Variants in PHACTR1 observed in about 807,000 individuals in gnomAD.
PHACTR1 encodes phosphatase and actin regulator 1.
PHACTR1 carries 16 observed loss-of-function variants against 69.2 expected under a neutral mutation model. The ratio of observed to expected loss-of-function variants is 0.23; its 90% CI spans 0.16 to 0.35. The LOEUF (loss-of-function observed/expected upper bound fraction) is 0.35. Among genes scored for constraint, PHACTR1 ranks in the 10% least tolerant of loss-of-function variants. PHACTR1 has a pLI of 1.00. For missense variants in PHACTR1, 510 were observed against 734.7 expected (o/e 0.69, Z 3.54); for synonymous variants, 312 against 284.5 (o/e 1.10, Z -0.97).
chr6:12,820,384 GT>G (rs1330086353), intron 4 of PHACTR1, among the ~76,000 whole-genome samples: 3 of 152,126 alleles, frequency 2.0e-5, no homozygotes, highest in Non-Finnish European at 4.4e-5. Context: ...GTTTCACCAT[GT>G]TAACCAGGAT....
rs142108999 is a variant in PHACTR1, at chr6:13,079,242, G to A, written c.415+25713G>A. On this transcript the variant is annotated intron_variant, in intron 5 of 14. Transcript: ENST00000332995. ...GCCTTACTGCTTACATGCGATGGCT[G>A]GAGGTTTGGGCATCGCAGAGATGGA... 4.0e-3 allele frequency among the ~76,000 whole-genome samples: 613 copies of A among 152,268 alleles called. 4 individuals carry two copies. The highest frequency in any genetic ancestry group is 0.014 in the African/African-American group (586 of 41,560).
Position 13,179,701 on chromosome 6 carries a change from G to GAGATAGAT in PHACTR1, c.497-2778_497-2771dup, listed in dbSNP as rs4053020. On this transcript the variant is annotated intron_variant, in intron 6 of 14. Transcript: ENST00000332995. The surrounding 1 kb of genome is among the most constrained non-coding windows in gnomAD (Gnocchi z 4.2). ...AGGTAGGTAGATAGATAAGTAGATAGAGATAGATAGATAGATAGATAGATA... is the reference window on the plus strand; with the variant it reads ...AGGTAGGTAGATAGATAAGTAGATAGAGATAGATAGATAGATAGATAGATAGATAGATA... Among the ~76,000 whole-genome samples the GAGATAGAT allele has an allele frequency of 3.2e-4, 47 of 148,422 alleles. No homozygotes were observed. The highest frequency in any genetic ancestry group is 1.1e-3 in the African/African-American group (42 of 39,746).
intron 7 of PHACTR1, chr6:13,184,823 G>T: frequency 7.3e-7 from 1 of 1,366,596 alleles, no homozygotes; most frequent in South Asian, 1.1e-5. Context: ...CCCTCTGCCA[G>T]TGAGTCTGGA....
chr6:12,972,121 T>C (rs1256544925), intron 4 of PHACTR1, among the ~76,000 whole-genome samples: 1 of 152,242 alleles, frequency 6.6e-6, no homozygotes, highest in Non-Finnish European at 1.5e-5. Flanking sequence ...TTTGTGATTC[T>C]ATTGGATGTG....
intron 4 of PHACTR1, among the ~76,000 whole-genome samples, chr6:12,898,986 G>T (rs565428704): frequency 1.3e-5 from 2 of 152,248 alleles, no homozygotes; most frequent in African/African-American, 4.8e-5. Context: ...CACCAGCAAA[G>T]CTACCCCACT....
At chr6:13,263,859 G>A (rs918678947) in intron 10 of PHACTR1, among the ~76,000 whole-genome samples, 3 of 152,128 alleles carry the variant, frequency 2.0e-5, no homozygotes, top group African/African-American at 7.2e-5. Flanking sequence ...CCACGTCGTC[G>A]TGCTCTGCTG....
chr6:13,049,275 A>G (rs1303318446), intron 4 of PHACTR1, among the ~76,000 whole-genome samples: 5 of 152,308 alleles, frequency 3.3e-5, no homozygotes, highest in African/African-American at 1.2e-4. Context: ...AAGTAACGAT[A>G]CATATTTTCA....
At chr6:12,974,367 C>T (rs1794612958) in intron 4 of PHACTR1, among the ~76,000 whole-genome samples, 1 of 152,198 alleles carries the variant, frequency 6.6e-6, no homozygotes, top group Admixed American at 6.5e-5. Flanking sequence ...TCTTCTTACA[C>T]TCAGCATATC....
intron 7 of PHACTR1, among the ~76,000 whole-genome samples, chr6:13,183,900 A>G (rs1762503964): frequency 6.6e-6 from 1 of 152,232 alleles, no homozygotes; most frequent in Non-Finnish European, 1.5e-5. Flanking sequence ...GGTGTGTGCC[A>G]CCACCCAATG....
chr6:12,997,873 A>T (rs1797616344), intron 4 of PHACTR1, among the ~76,000 whole-genome samples: 1 of 152,148 alleles, frequency 6.6e-6, no homozygotes, highest in Non-Finnish European at 1.5e-5. Context: ...GAATGGTGTG[A>T]ACCCGGGAGG....
intron 4 of PHACTR1, chr6:12,957,667 G>T: frequency 1.0e-6 from 1 of 985,618 alleles, no homozygotes; most frequent in East Asian, 1.1e-4. Context: ...GAGTGAGGCT[G>T]GAGAGACCAT....
At chr6:13,141,714 TTTC>T (rs1822478704) in intron 5 of PHACTR1, among the ~76,000 whole-genome samples, 1 of 132,564 alleles carries the variant, frequency 7.5e-6, no homozygotes, top group African/African-American at 2.7e-5. Context: ...CATGTTTAGA[TTTC>T]TTCTTTCTTT....
chr6:13,174,588 C>T (rs1270023804), intron 6 of PHACTR1, among the ~76,000 whole-genome samples: 1 of 152,196 alleles, frequency 6.6e-6, no homozygotes, highest in South Asian at 2.1e-4. Context: ...CAAGAACTAA[C>T]AGTTAAGAGA....
chr6:12,845,658 T>G (rs186750295), intron 4 of PHACTR1, among the ~76,000 whole-genome samples: 215 of 152,212 alleles, frequency 1.4e-3, no homozygotes, highest in Non-Finnish European at 1.4e-3. Flanking sequence ...TTAATGCATC[T>G]CTTTAGTTTG....
chr6:13,280,174 G>A (rs533296287), intron 12 of PHACTR1: 1 of 152,134 alleles, frequency 6.6e-6, no homozygotes, highest in African/African-American at 2.4e-5. Context: ...ATCTCCCTAG[G>A]GTAGGTGACA....
chr6:12,984,206 C>G (rs1795855686), intron 4 of PHACTR1, among the ~76,000 whole-genome samples: 1 of 152,186 alleles, frequency 6.6e-6, no homozygotes, highest in Non-Finnish European at 1.5e-5. Context: ...TCTCCAGCAC[C>G]TGTTGTTTCC....
intron 4 of PHACTR1, among the ~76,000 whole-genome samples, chr6:12,765,226 A>G (rs374708693): frequency 1.1e-4 from 17 of 152,342 alleles, no homozygotes; most frequent in Non-Finnish European, 1.8e-4. Flanking sequence ...ATTTTGACTT[A>G]TTGCATGAAA....
chr6:13,134,192 TC>T (rs869215011), intron 5 of PHACTR1, among the ~76,000 whole-genome samples: 6 of 147,106 alleles, frequency 4.1e-5, no homozygotes, highest in Non-Finnish European at 9.0e-5. Flanking sequence ...AGCCACCCCG[TC>T]CCGGAGGGAG....
intron 6 of PHACTR1, among the ~76,000 whole-genome samples, chr6:13,174,801 T>A (rs1761099233): frequency 1.3e-5 from 2 of 152,158 alleles, no homozygotes; most frequent in South Asian, 4.1e-4. Flanking sequence ...TCACACAAGT[T>A]ATTTAACTTT....
Sources: gnomAD v4.1 joint callset for allele counts (sites outside exome capture counted in the v4.1 genomes callset) on GRCh38, gnomAD v4.1.1 for gene constraint, Gnocchi (gnomAD v3.1) non-coding constraint, MANE v1.5 for transcripts, NCBI Gene and HGNC (gene_info 2026-07-23, HGNC 2026-07-21) for gene names.